TRAF3: variants seen among roughly 807,000 people sequenced by gnomAD.
TRAF3 encodes the protein TNF receptor-associated factor 3.
A neutral mutation model predicts 62.3 loss-of-function variants in TRAF3; 13 were observed. The observed-to-expected ratio is 0.21, with a 90% CI of 0.14 to 0.33. TRAF3 has a LOEUF of 0.33. Among genes scored for constraint, TRAF3 ranks in the 10% least tolerant of loss-of-function variants. The pLI is 1.00. For synonymous variants in TRAF3, 269 were observed against 283.4 expected, an observed-to-expected ratio of 0.95 and a Z score of 0.51; for missense variants, 440 against 741.8, an observed-to-expected ratio of 0.59 and a Z score of 4.73.
intron 2 of TRAF3, among the ~76,000 whole-genome samples, chr14:102,859,193 CA>C (rs34556286): frequency 0.26 from 36,927 of 143,536 alleles, 4,860 homozygotes; most frequent in East Asian, 0.39. Flanking sequence ...TAATTTAGGC[CA>C]AAAAAAAAAA....
chr14:102,822,368 C>T (rs951395934), intron 1 of TRAF3, among the ~76,000 whole-genome samples: 1 of 152,156 alleles, frequency 6.6e-6, no homozygotes, highest in Non-Finnish European at 1.5e-5. Flanking sequence ...TAGTAAGTGA[C>T]GCAGTGCCAA....
intron 1 of TRAF3, among the ~76,000 whole-genome samples, chr14:102,821,288 A>G (rs1160583368): frequency 6.6e-6 from 1 of 152,252 alleles, no homozygotes; most frequent in Non-Finnish European, 1.5e-5. Context: ...CACCGTCTCA[A>G]TCTTTCAGAT....
At chr14:102,891,175 C>T (rs1164760595) in intron 8 of TRAF3, 150 bp from the exon 9 acceptor site, 6 of 763,528 alleles carry the variant, frequency 7.9e-6, no homozygotes, top group Non-Finnish European at 1.3e-5. Context: ...TGAGCACAGC[C>T]CTCCTTAGGC....
At chr14:102,901,303 G>A (rs548768621) in intron 10 of TRAF3, among the ~76,000 whole-genome samples, 12 of 152,284 alleles carry the variant, frequency 7.9e-5, no homozygotes, top group African/African-American at 2.2e-4. Flanking sequence ...AGCGTGAGGC[G>A]CAGCTTGTCT....
intron 8 of TRAF3, 25 bp from the exon 9 acceptor site, chr14:102,891,300 A>G: frequency 6.2e-7 from 1 of 1,609,038 alleles, no homozygotes; most frequent in Non-Finnish European, 8.5e-7. Context: ...GGTTCGCTGA[A>G]TGCCTCACAT....
chr14:102,900,090 A>G (rs1032420995), intron 10 of TRAF3, among the ~76,000 whole-genome samples: 5 of 145,830 alleles, frequency 3.4e-5, no homozygotes, highest in African/African-American at 5.3e-5. Flanking sequence ...GAGGCAGGAG[A>G]ATGGTGTGAA....
intron 1 of TRAF3, among the ~76,000 whole-genome samples, chr14:102,810,186 T>C (rs536953615): frequency 6.6e-6 from 1 of 152,278 alleles, no homozygotes; most frequent in Non-Finnish European, 1.5e-5. Context: ...CCCTCCCCCC[T>C]ACAACTGTAA....
chr14:102,855,317 C>A (rs1269781023), intron 2 of TRAF3, among the ~76,000 whole-genome samples: 1 of 152,064 alleles, frequency 6.6e-6, no homozygotes, highest in African/African-American at 2.4e-5. Context: ...TCTTTGAGTA[C>A]CTTTTTTCAG....
intron 6 of TRAF3, among the ~76,000 whole-genome samples, chr14:102,885,877 C>G (rs1889352330): frequency 6.6e-6 from 1 of 152,158 alleles, no homozygotes; most frequent in South Asian, 2.1e-4. Context: ...GCTGTGTGAA[C>G]CAGGAGCAGC....
At chr14:102,790,292 G>A (rs1397087418) in intron 1 of TRAF3, among the ~76,000 whole-genome samples, 3 of 152,002 alleles carry the variant, frequency 2.0e-5, no homozygotes, top group Admixed American at 6.6e-5. Flanking sequence ...CTATTGAATC[G>A]TCTTGGCACC....
rs1041679705 is a variant in TRAF3, at chr14:102,783,198, A to G, written c.-157+5523A>G. 3.0e-4 allele frequency among the ~76,000 whole-genome samples: 45 copies of G among 152,126 alleles called. 2 individuals are homozygous for G. Among genetic ancestry groups the G allele is most frequent in the Middle Eastern group, 6.8e-3 (2 of 294 alleles). On this transcript the variant is annotated intron_variant, in intron 1 of 11. Transcript: ENST00000392745. ...GCCCACAGTGGTTCCATGTGTTTGG[A>G]ATGTGTGTCGGCACTTGGGTGTGCC...
chr14:102,807,012 C>G (rs1427435343), intron 1 of TRAF3, among the ~76,000 whole-genome samples: 2 of 152,190 alleles, frequency 1.3e-5, no homozygotes, highest in Non-Finnish European at 2.9e-5. Flanking sequence ...TTGGTGCTCA[C>G]TTCTGCACCC....
intron 1 of TRAF3, among the ~76,000 whole-genome samples, chr14:102,799,983 A>C (rs1015133458): frequency 6.6e-6 from 1 of 152,128 alleles, no homozygotes. Context: ...CATTGCTGGA[A>C]TCTTCCTAGA....
intron 6 of TRAF3, among the ~76,000 whole-genome samples, chr14:102,883,330 A>G (rs983600459): frequency 2.0e-5 from 3 of 152,246 alleles, no homozygotes; most frequent in Non-Finnish European, 2.9e-5. Flanking sequence ...GAAGACTCCT[A>G]TGGTAGAATT....
At chr14:102,896,931 A>T (rs1003126075) in intron 9 of TRAF3, among the ~76,000 whole-genome samples, 25 of 152,130 alleles carry the variant, frequency 1.6e-4, no homozygotes, top group African/African-American at 6.0e-4. Context: ...CTAACCAGAC[A>T]TGGTGGTGGC....
chr14:102,777,460 T>TGAGGGAGCGAGGGAGC lies in TRAF3; in HGVS notation c.-362_-347dup, dbSNP rs996892936. 6.5e-5 allele frequency: 9 copies of TGAGGGAGCGAGGGAGC among 138,960 alleles called. No individual in the cohort carries two copies. Among genetic ancestry groups the TGAGGGAGCGAGGGAGC allele is most frequent in the South Asian group, 2.3e-4 (1 of 4,416 alleles). The allele number at this position is 138,960 out of a possible 1,614,324, so 8.6% of individuals were successfully genotyped here. On this transcript the variant is annotated 5_prime_UTR_variant, in exon 1 of 12. Transcript: ENST00000392745. ...GAGGAAGTGCCTGCGCGGGGCTGCG[T>TGAGGGAGCGAGGGAGC]GAGGGAGCGAGGGAGCGAGGGAGCG...
At chr14:102,836,374 G>T (rs1180907155) in intron 2 of TRAF3, among the ~76,000 whole-genome samples, 1 of 152,206 alleles carries the variant, frequency 6.6e-6, no homozygotes, top group Non-Finnish European at 1.5e-5. Flanking sequence ...TGATTGTTGA[G>T]AATAGAATAT....
At position 102,792,113 on chromosome 14, in the gene TRAF3, C is replaced by CTTTTTTTTTTTTTTTTTTT. The variant is rs35895214; in HGVS notation, c.-157+14447_-157+14465dup. Among the ~76,000 whole-genome samples, 6 of 97,702 alleles carry CTTTTTTTTTTTTTTTTTTT rather than the reference C, an allele frequency of 6.1e-5. 3 individuals carry two copies. The highest frequency in any genetic ancestry group is 2.2e-4 in the Admixed American group (2 of 9,054). The allele number at this position is 97,702 out of a possible 152,430, so 64.1% of individuals were successfully genotyped here. A position where few individuals can be genotyped will look rare whatever the true frequency, so the allele number is the denominator to read the frequency against. ...ACAGGTGCGAGCCACTGTGCCTGGA[C>CTTTTTTTTTTTTTTTTTTT]TTTTTTTTTTTTTTTTTTTTTTTTT... On this transcript the variant is annotated intron_variant, in intron 1 of 11. Coordinates refer to ENST00000392745, the MANE Select transcript of TRAF3 (RefSeq NM_145725.3).
chr14:102,878,694 A>T (rs1296671963), intron 6 of TRAF3, among the ~76,000 whole-genome samples: 1 of 152,144 alleles, frequency 6.6e-6, no homozygotes, highest in African/African-American at 2.4e-5. Context: ...GGCTTGTCTG[A>T]GGCAGCCAAG....
Sources: gnomAD v4.1 joint callset for allele counts (sites outside exome capture counted in the v4.1 genomes callset) on GRCh38, gnomAD v4.1.1 for gene constraint, MANE v1.5 for transcripts, NCBI Gene and HGNC (gene_info 2026-07-23, HGNC 2026-07-21) for gene names.